EFCAB9: variants seen among roughly 807,000 people sequenced by gnomAD.
The protein encoded by EFCAB9 is EF-hand calcium binding domain 9.
EFCAB9 carries 16 observed loss-of-function variants against 15.6 expected under a neutral mutation model. The ratio of observed to expected loss-of-function variants is 1.03; its 90% CI spans 0.69 to 1.56. EFCAB9 has a LOEUF of 1.56. EFCAB9 is among the 40% of genes most tolerant of loss of function. The pLI is 0.00. For missense variants in EFCAB9, 208 were observed against 235.4 expected (o/e 0.88, Z 0.76); for synonymous variants, 76 against 85.4 (o/e 0.89, Z 0.61).
intron 1 of EFCAB9, 83 bp downstream of exon 1, chr5:172,194,391 A>T: frequency 6.9e-7 from 1 of 1,452,388 alleles, no homozygotes; most frequent in Admixed American, 2.6e-5. Flanking sequence ...GCCAGAAACT[A>T]TTTTGTTAGT....
At chr5:172,196,779 A>G (rs1354480840) in intron 1 of EFCAB9, among the ~76,000 whole-genome samples, 1 of 152,228 alleles carries the variant, frequency 6.6e-6, no homozygotes, top group African/African-American at 2.4e-5. Flanking sequence ...ATTTGTACAT[A>G]CAACTGTAGA....
In EFCAB9 at chr5:172,203,447, A is replaced by C; in HGVS notation, c.*102A>C. ...TGTCTAAAAATAAATTCAGAGCATC[A>C]AAGTAGATATCTTTATAATGACTTT... is the stretch of plus-strand genomic sequence containing the variant. On this transcript the variant is annotated 3_prime_UTR_variant, in exon 4 of 4. Coordinates refer to ENST00000398186, the MANE Select transcript of EFCAB9 (RefSeq NM_001171183.2). 7.2e-7 allele frequency: 1 copy of C among 1,382,184 alleles called. No individual in the cohort carries two copies. Among genetic ancestry groups the C allele is most frequent in the Non-Finnish European group, 9.5e-7 (1 of 1,053,004 alleles). 85.6% of individuals were successfully genotyped at this position (1,382,184 alleles called of 1,614,324 possible). A position where few individuals can be genotyped will look rare whatever the true frequency, so the allele number is the denominator to read the frequency against.
chr5:172,195,849 CCAG>C (rs1771152706), intron 1 of EFCAB9, among the ~76,000 whole-genome samples: 1 of 152,040 alleles, frequency 6.6e-6, no homozygotes, highest in African/African-American at 2.4e-5. Context: ...GCTCTGTCGC[CCAG>C]AAGTGCAGTG....
chr5:172,197,186 C>T (rs370160343), intron 1 of EFCAB9, among the ~76,000 whole-genome samples: 2 of 152,098 alleles, frequency 1.3e-5, no homozygotes, highest in East Asian at 3.9e-4. Context: ...TGGCTCACCA[C>T]AACCTCTGCC....
At chr5:172,202,068 C>T (rs1028509750) in intron 3 of EFCAB9, among the ~76,000 whole-genome samples, 3 of 151,904 alleles carry the variant, frequency 2.0e-5, no homozygotes, top group South Asian at 2.1e-4. Context: ...GGGTTGGGCG[C>T]GGTGGCTCAT....
intron 1 of EFCAB9, among the ~76,000 whole-genome samples, chr5:172,195,161 TAAATAAATAAATAAATAAATAA>T (rs1169484169): frequency 1.8e-3 from 256 of 144,484 alleles, no homozygotes; most frequent in African/African-American, 6.3e-3. Context: ...CAAAAATAAA[TAAATAAATAAATAAATAAATAA>T]AAATAAATAA....
chr5:172,199,622 A>C, intron 2 of EFCAB9, 91 bp downstream of exon 2: 1 of 1,467,570 alleles, frequency 6.8e-7, no homozygotes, highest in Non-Finnish European at 9.0e-7. Context: ...CACTAAAAAG[A>C]GGAAGAAAAG....
chr5:172,196,796 C>T (rs1254486076), intron 1 of EFCAB9, among the ~76,000 whole-genome samples: 2 of 152,132 alleles, frequency 1.3e-5, no homozygotes, highest in Non-Finnish European at 2.9e-5. Flanking sequence ...TAGACAGCCA[C>T]ACACCACTGT....
chr5:172,199,592 A>G, intron 2 of EFCAB9, 61 bp downstream of exon 2: 2 of 1,509,214 alleles, frequency 1.3e-6, no homozygotes. Context: ...TTAGGAATGC[A>G]TCAGAAGTTT....
intron 1 of EFCAB9, among the ~76,000 whole-genome samples, chr5:172,194,675 A>C (rs548062172): frequency 5.3e-5 from 8 of 152,288 alleles, no homozygotes; most frequent in African/African-American, 1.9e-4. Context: ...CTGGGATTAC[A>C]AGTGTGAGCT....
chr5:172,202,332 C>CAAAAAAAAAAAAAAA (rs10690291), intron 3 of EFCAB9, among the ~76,000 whole-genome samples: 2 of 73,364 alleles, frequency 2.7e-5, no homozygotes, highest in East Asian at 4.2e-4. Flanking sequence ...GACTTCATCT[C>CAAAAAAAAAAAAAAA]AAAAAAAAAA....
At chr5:172,194,336 G>C in intron 1 of EFCAB9, 28 bp downstream of exon 1, 4 of 1,536,204 alleles carry the variant, frequency 2.6e-6, no homozygotes, top group Non-Finnish European at 3.5e-6. Context: ...TGTCTCCTCT[G>C]GGTCCTTACC....
intron 1 of EFCAB9, among the ~76,000 whole-genome samples, chr5:172,196,360 T>C (rs575763813): frequency 2.6e-5 from 4 of 151,914 alleles, no homozygotes; most frequent in Non-Finnish European, 5.9e-5. Context: ...ATTACACAGA[T>C]ACGTTTTACC....
At chr5:172,199,705 C>T (rs1215665703) in intron 2 of EFCAB9, among the ~76,000 whole-genome samples, 174 bp downstream of exon 2, 2 of 152,072 alleles carry the variant, frequency 1.3e-5, no homozygotes, top group Non-Finnish European at 2.9e-5. Context: ...CTGAGGCAGC[C>T]CCAGCCTCTT....
At chr5:172,199,710 C>A (rs1301900093) in intron 2 of EFCAB9, among the ~76,000 whole-genome samples, 179 bp downstream of exon 2, 5 of 152,134 alleles carry the variant, frequency 3.3e-5, no homozygotes, top group Admixed American at 3.3e-4. Context: ...GCAGCCCCAG[C>A]CTCTTGGCCG....
At chr5:172,199,720 G>A (rs756840839) in intron 2 of EFCAB9, among the ~76,000 whole-genome samples, 189 bp downstream of exon 2, 4 of 151,922 alleles carry the variant, frequency 2.6e-5, no homozygotes, top group Non-Finnish European at 5.9e-5. Context: ...CCTCTTGGCC[G>A]CCCTCCTACT....
In EFCAB9 at chr5:172,200,628, G is replaced by A; in HGVS notation, c.348G>A (p.Leu116=). 1 of 1,537,254 alleles carries A rather than the reference G, an allele frequency of 6.5e-7. No individual in the cohort carries two copies. Among genetic ancestry groups the A allele is most frequent in the South Asian group, 1.2e-5 (1 of 84,056 alleles). The change falls in exon 3 of 4, where the codon CTG becomes CTA. Residue 116 remains leucine (L), a synonymous_variant. Transcript: ENST00000398186. ...GGCCTGTCTTTGACCTGCTTGACCT[G>A]AAAGGGGATCTGAGAATTGGTGCAA... is the stretch of plus-strand genomic sequence containing the variant. ...HSRPVFDLLD[L]KGDLRIGAKN... is the part of the protein sequence containing the mutation.
intron 2 of EFCAB9, 68 bp downstream of exon 2, chr5:172,199,599 G>A: frequency 6.7e-7 from 1 of 1,498,518 alleles, no homozygotes; most frequent in South Asian, 1.3e-5. Flanking sequence ...TGCATCAGAA[G>A]TTTTCCTCCT....
At chr5:172,202,581 G>A (rs533584816) in intron 3 of EFCAB9, among the ~76,000 whole-genome samples, 6 of 151,580 alleles carry the variant, frequency 4.0e-5, no homozygotes, top group East Asian at 1.9e-4. Context: ...GGTGGCACAC[G>A]CTTGTAAGCC....
Sources: allele counts gnomAD v4.1 joint callset (sites outside exome capture counted in the v4.1 genomes callset), GRCh38; gene constraint gnomAD v4.1.1; transcripts MANE v1.5; gene names NCBI Gene and HGNC (gene_info 2026-07-23, HGNC 2026-07-21).